RGS5: variants seen among roughly 807,000 people sequenced by gnomAD.
RGS5 encodes the protein regulator of G protein signaling 5.
RGS5 carries 20 observed loss-of-function variants against 18.9 expected under a neutral mutation model. The ratio of observed to expected loss-of-function variants is 1.06; its 90% CI spans 0.74 to 1.54. The LOEUF (loss-of-function observed/expected upper bound fraction) is 1.54, where lower values mean the gene tolerates loss of function less well. Ranked by LOEUF, RGS5 falls within the 40% of genes most tolerant of loss-of-function variation. RGS5 has a pLI of 0.00. For missense variants in RGS5, 201 were observed against 211.8 expected, an observed-to-expected ratio of 0.95 and a Z score of 0.32; for synonymous variants, 57 against 76.2, an observed-to-expected ratio of 0.75 and a Z score of 1.31.
At chr1:163,262,653 AGTCATTTGGGTAT>A (rs1434277172) in intron 2 of RGS5, among the ~76,000 whole-genome samples, 2 of 127,344 alleles carry the variant, frequency 1.6e-5, no homozygotes, top group Non-Finnish European at 3.3e-5. Context: ...CATGATTTAT[AGTCATTTGGGTAT>A]ATACCCAGTA....
intron 1 of RGS5, among the ~76,000 whole-genome samples, chr1:163,178,872 T>C (rs1301016223): frequency 6.6e-6 from 1 of 152,212 alleles, no homozygotes; most frequent in African/African-American, 2.4e-5. Flanking sequence ...ACCAGCTGTT[T>C]TGGATAACTA....
At chr1:163,237,384 A>C (rs1457863443) in intron 2 of RGS5, 1 of 153,016 alleles carries the variant, frequency 6.5e-6, no homozygotes, top group Non-Finnish European at 1.5e-5. Context: ...AGAATCATGA[A>C]TTAAGAACAG....
chr1:163,246,023 G>T (rs952016051), intron 2 of RGS5, among the ~76,000 whole-genome samples: 2 of 151,730 alleles, frequency 1.3e-5, no homozygotes, highest in Non-Finnish European at 2.9e-5. Context: ...AGACCATCCT[G>T]GCTAACACAG....
chr1:163,154,108 T>C (rs562458976), intron 3 of RGS5, among the ~76,000 whole-genome samples: 12 of 152,196 alleles, frequency 7.9e-5, no homozygotes, highest in Non-Finnish European at 1.6e-4. Flanking sequence ...AATACATTAG[T>C]TCTGCTTAGG....
At chr1:163,225,553 T>C (rs1647314628) in intron 2 of RGS5, among the ~76,000 whole-genome samples, 1 of 152,114 alleles carries the variant, frequency 6.6e-6, no homozygotes, top group African/African-American at 2.4e-5. Flanking sequence ...TGTCATTCTC[T>C]TGAAGTGCTA....
chr1:163,251,372 A>G (rs1648103400), intron 2 of RGS5, among the ~76,000 whole-genome samples: 1 of 152,194 alleles, frequency 6.6e-6, no homozygotes, highest in Admixed American at 6.5e-5. Context: ...AATTTTTTAA[A>G]GTAATAAAGC....
At chr1:163,232,768 A>G (rs928100997) in intron 2 of RGS5, among the ~76,000 whole-genome samples, 3 of 152,340 alleles carry the variant, frequency 2.0e-5, no homozygotes, top group Non-Finnish European at 2.9e-5. Context: ...TTCAGAAAAG[A>G]GAGAATTCTA....
At chr1:163,162,210 T>A (rs188767353) in intron 2 of RGS5, among the ~76,000 whole-genome samples, 8 of 152,314 alleles carry the variant, frequency 5.3e-5, no homozygotes, top group Admixed American at 5.2e-4. Context: ...TTTGGTTAGG[T>A]CTTTCCCTTT....
chr1:163,220,161 T>A (rs930668366), upstream of RGS5, among the ~76,000 whole-genome samples: 2 of 152,220 alleles, frequency 1.3e-5, no homozygotes, highest in African/African-American at 4.8e-5. Flanking sequence ...ACCAGTGAAG[T>A]TGAGCTCCTT....
At chr1:163,254,770 T>C (rs563907740) in intron 2 of RGS5, among the ~76,000 whole-genome samples, 54 of 152,168 alleles carry the variant, frequency 3.5e-4, no homozygotes, top group African/African-American at 1.3e-3. Context: ...CTAGGGTTTT[T>C]ATGGTTTTAG....
chr1:163,234,119 C>A (rs1647556495), intron 2 of RGS5, among the ~76,000 whole-genome samples: 1 of 152,172 alleles, frequency 6.6e-6, no homozygotes, highest in Admixed American at 6.5e-5. Context: ...AAACACAATG[C>A]TGAATAGAAG....
chr1:163,312,696 T>A (rs1169610800), intron 1 of RGS5, among the ~76,000 whole-genome samples: 2 of 152,212 alleles, frequency 1.3e-5, no homozygotes, highest in East Asian at 3.8e-4. Context: ...AATGGATTAG[T>A]AGACAGGAAT....
chr1:163,296,164 G>A (rs1025906917), intron 2 of RGS5, among the ~76,000 whole-genome samples: 1 of 152,182 alleles, frequency 6.6e-6, no homozygotes, highest in African/African-American at 2.4e-5. Context: ...CATGATGACA[G>A]TAGACTTATT....
At chr1:163,317,367 A>G (rs913731431) in intron 1 of RGS5, among the ~76,000 whole-genome samples, 4 of 152,156 alleles carry the variant, frequency 2.6e-5, no homozygotes, top group South Asian at 2.1e-4. Context: ...AAGAAACTCT[A>G]TCCTTGATTT....
At chr1:163,224,743 T>G (rs1647296895) in intron 2 of RGS5, among the ~76,000 whole-genome samples, 1 of 152,232 alleles carries the variant, frequency 6.6e-6, no homozygotes, top group Admixed American at 6.5e-5. Flanking sequence ...CTAACTGAAG[T>G]GAGGCGTTAT....
chr1:163,230,208 C>G (rs1394619881), intron 2 of RGS5, among the ~76,000 whole-genome samples: 1 of 152,012 alleles, frequency 6.6e-6, no homozygotes, highest in East Asian at 1.9e-4. Context: ...GTCAAAAGAC[C>G]TGGGTTGAAG....
chr1:163,202,301 T>A (rs1659802548), intron 1 of RGS5, among the ~76,000 whole-genome samples: 1 of 152,142 alleles, frequency 6.6e-6, no homozygotes, highest in Non-Finnish European at 1.5e-5. Flanking sequence ...TCTGAGTGCT[T>A]CATATATATT....
intron 2 of RGS5, among the ~76,000 whole-genome samples, chr1:163,245,810 T>C (rs892648735): frequency 6.6e-6 from 1 of 152,240 alleles, no homozygotes; most frequent in African/African-American, 2.4e-5. Flanking sequence ...ATATAGTAGC[T>C]TAAAAATAAA....
In RGS5 at chr1:163,145,127, G is replaced by A. The variant is rs1269646073; in HGVS notation, c.*2215C>T. Reference sequence around the variant, plus strand: ...GTAAAAGCCCTTCTTATTTTCCGCTGAGAGGTCTACCCACTTTCATAGGGT... The same window carrying A: ...GTAAAAGCCCTTCTTATTTTCCGCTAAGAGGTCTACCCACTTTCATAGGGT... On this transcript the variant is annotated 3_prime_UTR_variant, in exon 5 of 5. Transcript: ENST00000313961. The A allele has an allele frequency of 6.6e-6, 1 of 152,134 alleles. No individual in the cohort carries two copies. Among genetic ancestry groups the A allele is most frequent in the Non-Finnish European group, 1.5e-5 (1 of 68,040 alleles). The allele number at this position is 152,134 out of a possible 1,614,324, so 9.4% of individuals were successfully genotyped here.
Sources: gnomAD v4.1 joint callset for allele counts (sites outside exome capture counted in the v4.1 genomes callset) on GRCh38, gnomAD v4.1.1 for gene constraint, MANE v1.5 for transcripts, NCBI Gene and HGNC (gene_info 2026-07-23, HGNC 2026-07-21) for gene names.